The following LRCH3 variants were observed in gnomAD, a reference collection of about 807,000 sequenced individuals.
LRCH3 encodes the protein DISP complex protein LRCH3.
Under a neutral mutation model 104.5 loss-of-function variants are expected in LRCH3, and 68 were observed. That is an observed-to-expected ratio of 0.65 (90% CI 0.54 to 0.80). The LOEUF (loss-of-function observed/expected upper bound fraction) is 0.80. Among genes scored for constraint, LRCH3 ranks in the 30% least tolerant of loss-of-function variants. LRCH3 has a pLI of 0.00. For synonymous variants in LRCH3, 344 were observed against 361.3 expected (o/e 0.95, Z 0.54); for missense variants, 951 against 953.9 (o/e 1.00, Z 0.04).
chr3:197,860,766 C>G (rs569329174), intron 15 of LRCH3, among the ~76,000 whole-genome samples: 19 of 152,152 alleles, frequency 1.2e-4, no homozygotes, highest in Admixed American at 1.2e-3. Context: ...AGTTATACTC[C>G]TTTAGTTATT....
chr3:197,870,457 G>C (rs1712028568), intron 18 of LRCH3, among the ~76,000 whole-genome samples, 179 bp downstream of exon 18: 1 of 151,948 alleles, frequency 6.6e-6, no homozygotes, highest in Non-Finnish European at 1.5e-5. Context: ...CCTATGCCTC[G>C]TGGGTTCAAG....
At chr3:197,847,616 AG>A (rs1299547033) in intron 11 of LRCH3, among the ~76,000 whole-genome samples, 156 bp downstream of exon 11, 1 of 5,278 alleles carries the variant, frequency 1.9e-4, no homozygotes, top group African/African-American at 1.3e-3. Context: ...ACTTGCTAAC[AG>A]TGTTTTTAGA....
chr3:197,837,466 C>A (rs533635987), intron 9 of LRCH3, among the ~76,000 whole-genome samples: 38 of 152,228 alleles, frequency 2.5e-4, no homozygotes, highest in African/African-American at 9.2e-4. Flanking sequence ...AATTTAGCAT[C>A]TGTGAAAATG....
chr3:197,816,608 A>C (rs1185927167), intron 2 of LRCH3, among the ~76,000 whole-genome samples: 3 of 152,062 alleles, frequency 2.0e-5, no homozygotes, highest in Non-Finnish European at 4.4e-5. Flanking sequence ...TTTTACTTTT[A>C]GTTCTGATTT....
intron 19 of LRCH3, among the ~76,000 whole-genome samples, chr3:197,875,251 T>C (rs1712745755): frequency 6.6e-6 from 1 of 152,108 alleles, no homozygotes; most frequent in Non-Finnish European, 1.5e-5. Context: ...CTTATGGCCC[T>C]CAGAACTAAC....
chr3:197,880,514 C>T, intron 20 of LRCH3: 1 of 1,535,764 alleles, frequency 6.5e-7, no homozygotes, highest in Admixed American at 2.0e-5. Context: ...TTGGACAGGA[C>T]AATCTTTGTT....
intron 12 of LRCH3, chr3:197,852,312 A>G: frequency 2.3e-6 from 1 of 428,934 alleles, no homozygotes. Flanking sequence ...TACTAAAGCC[A>G]TTAGAGGGAG....
intron 10 of LRCH3, among the ~76,000 whole-genome samples, chr3:197,842,359 G>A (rs1737928007): frequency 6.6e-6 from 1 of 152,202 alleles, no homozygotes; most frequent in South Asian, 2.1e-4. Context: ...ACATTCAAGT[G>A]AAATGTTGAA....
intron 10 of LRCH3, among the ~76,000 whole-genome samples, chr3:197,842,095 G>C (rs6806571): frequency 0.14 from 21,457 of 151,986 alleles, 1,960 homozygotes; most frequent in African/African-American, 0.26. Context: ...GCTTTGGCCT[G>C]CCAAAGCGCT....
chr3:197,874,747 A>C (rs970059479), intron 19 of LRCH3, among the ~76,000 whole-genome samples: 4 of 152,208 alleles, frequency 2.6e-5, no homozygotes, highest in African/African-American at 7.2e-5. Flanking sequence ...TTTTCTATTT[A>C]GTACTTGCCT....
At chr3:197,791,897 G>A (rs991938386) in intron 1 of LRCH3, among the ~76,000 whole-genome samples, 6 of 152,154 alleles carry the variant, frequency 3.9e-5, no homozygotes, top group African/African-American at 1.4e-4. Flanking sequence ...CTGCTAAGAC[G>A]GGAACGTTAG....
At chr3:197,833,537 C>T (rs1295298534) in intron 8 of LRCH3, among the ~76,000 whole-genome samples, 7 of 150,752 alleles carry the variant, frequency 4.6e-5, no homozygotes, top group Admixed American at 4.0e-4. Context: ...GACTGTATCT[C>T]GAAAAAAAAT....
intron 8 of LRCH3, 110 bp from the exon 9 acceptor site, chr3:197,835,564 T>A (rs1736663673): frequency 1.6e-6 from 2 of 1,274,162 alleles, no homozygotes. Flanking sequence ...ACTTTCAAAA[T>A]AGAAAATCAT....
chr3:197,860,026 T>G lies in LRCH3; in HGVS notation c.1716+1121T>G, dbSNP rs73210169. Among the ~76,000 whole-genome samples the G allele has an allele frequency of 5.0e-3, 769 of 152,320 alleles. 6 individuals are homozygous for G. Among genetic ancestry groups the G allele is most frequent in the Middle Eastern group, 0.017 (5 of 294 alleles). ...AATTTTTGGTCTTCATTTTGCTCAG[T>G]ATCCACTGGAATTCTCAAATATTTT... On this transcript the variant is annotated intron_variant, in intron 15 of 20. Transcript: ENST00000425562.
intron 4 of LRCH3, among the ~76,000 whole-genome samples, chr3:197,822,574 AAC>A (rs1311436132): frequency 6.6e-6 from 1 of 152,138 alleles, no homozygotes; most frequent in Non-Finnish European, 1.5e-5. Flanking sequence ...CAATTTTTTT[AAC>A]AGTTTATTTT....
At chr3:197,820,702 A>G (rs555007757) in intron 4 of LRCH3, among the ~76,000 whole-genome samples, 4 of 152,162 alleles carry the variant, frequency 2.6e-5, no homozygotes, top group Non-Finnish European at 5.9e-5. Flanking sequence ...CCAGCTACTC[A>G]GGAAGCTGAG....
Position 197,847,721 on chromosome 3 carries a change from A to G in LRCH3, c.1381-151A>G, listed in dbSNP as rs754347549. 18 of 765,176 alleles carry G rather than the reference A, an allele frequency of 2.4e-5. No homozygotes were observed. The Admixed American group carries it at 5.4e-4, about 23-fold the overall frequency. The allele number at this position is 765,176 out of a possible 1,614,324, so 47.4% of individuals were successfully genotyped here. A position where few individuals can be genotyped will look rare whatever the true frequency, so the allele number is the denominator to read the frequency against. Reference sequence around the variant, plus strand: ...TATAAGAACCGTGCAAAGACGGGAAAAGATTAGCCAATAAACACATTTCAA... The same window carrying G: ...TATAAGAACCGTGCAAAGACGGGAAGAGATTAGCCAATAAACACATTTCAA... On this transcript the variant is annotated intron_variant, in intron 11 of 20. Transcript: ENST00000425562.
intron 12 of LRCH3, chr3:197,848,345 A>C (rs1050500119): frequency 2.5e-5 from 5 of 202,204 alleles, no homozygotes; most frequent in African/African-American, 4.7e-5. Context: ...TGCAGATGCA[A>C]ACTGTTACTC....
chr3:197,812,504 G>GTTGTTTTTTTTTTT (rs1733251051), intron 1 of LRCH3, among the ~76,000 whole-genome samples: 1 of 48,956 alleles, frequency 2.0e-5, no homozygotes, highest in African/African-American at 7.9e-5. Flanking sequence ...TCTGCTTTCA[G>GTTGTTTTTTTTTTT]TTTTTTTTTT....
Sources: allele counts gnomAD v4.1 joint callset (sites outside exome capture counted in the v4.1 genomes callset), GRCh38; gene constraint gnomAD v4.1.1; transcripts MANE v1.5; gene names NCBI Gene and HGNC (gene_info 2026-07-23, HGNC 2026-07-21).